The following DACH1 variants were observed in gnomAD, a reference collection of about 807,000 sequenced individuals.
DACH1 encodes the protein dachshund family transcription factor 1, also known as dachshund homolog 1.
In DACH1, 12 loss-of-function variants were observed where a neutral mutation model predicts 54.2. The observed-to-expected ratio is 0.22, with a 90% CI of 0.14 to 0.36. The LOEUF (loss-of-function observed/expected upper bound fraction) is 0.36. Ranked by LOEUF, DACH1 falls within the 10% of genes least tolerant of loss-of-function variation. The probability of loss-of-function intolerance (pLI) is 1.00; values close to 1 mark genes in which losing one functional copy is unlikely to be tolerated. For synonymous variants in DACH1, 386 were observed against 366.2 expected (o/e 1.05, Z -0.62); for missense variants, 805 against 929.8 (o/e 0.87, Z 1.75).
chr13:71,656,846 A>G (rs949638065), intron 2 of DACH1, among the ~76,000 whole-genome samples: 6 of 147,296 alleles, frequency 4.1e-5, no homozygotes, highest in South Asian at 2.1e-4. Context: ...AGATTGATAG[A>G]CAGATATAGA....
intron 3 of DACH1, among the ~76,000 whole-genome samples, chr13:71,576,995 A>T (rs1462395392): frequency 6.6e-6 from 1 of 152,124 alleles, no homozygotes; most frequent in Non-Finnish European, 1.5e-5. Context: ...TAAAGGCCTA[A>T]ATCTAAACAT....
At chr13:71,539,407 G>T (rs1488664499) in intron 6 of DACH1, among the ~76,000 whole-genome samples, 2 of 151,998 alleles carry the variant, frequency 1.3e-5, no homozygotes, top group Non-Finnish European at 2.9e-5. Flanking sequence ...TCCTTCGAAA[G>T]ACTTTCTAGA....
chr13:71,831,463 T>C (rs1888586936), intron 1 of DACH1, among the ~76,000 whole-genome samples: 1 of 151,938 alleles, frequency 6.6e-6, no homozygotes, highest in Non-Finnish European at 1.5e-5. Flanking sequence ...TATAAATGCA[T>C]GTTGTCTTTC....
At chr13:71,472,898 G>T (rs1877210545) in intron 10 of DACH1, among the ~76,000 whole-genome samples, 1 of 152,036 alleles carries the variant, frequency 6.6e-6, no homozygotes, top group South Asian at 2.1e-4. Context: ...TATTCTGTTT[G>T]TTAGCTTCCA....
At chr13:71,811,375 G>T (rs1214571760) in intron 1 of DACH1, among the ~76,000 whole-genome samples, 1 of 151,972 alleles carries the variant, frequency 6.6e-6, no homozygotes, top group Non-Finnish European at 1.5e-5. Flanking sequence ...TTTTAAAATA[G>T]ATTTTCATGA....
intron 6 of DACH1, among the ~76,000 whole-genome samples, chr13:71,510,071 A>G (rs895009464): frequency 1.3e-5 from 2 of 151,968 alleles, no homozygotes; most frequent in African/African-American, 4.8e-5. Context: ...CACATTGAAC[A>G]TTTCTTCATT....
chr13:71,527,627 CAG>C (rs1393809654), intron 6 of DACH1, among the ~76,000 whole-genome samples: 3 of 152,182 alleles, frequency 2.0e-5, no homozygotes, highest in Non-Finnish European at 4.4e-5. Context: ...GATATGAGCA[CAG>C]AGTCTTTGCC....
intron 4 of DACH1, among the ~76,000 whole-genome samples, chr13:71,564,883 T>C (rs1322184494): frequency 6.6e-6 from 1 of 152,122 alleles, no homozygotes; most frequent in Non-Finnish European, 1.5e-5. Context: ...GAACAGGATA[T>C]AGAAGTGGGA....
intron 1 of DACH1, among the ~76,000 whole-genome samples, chr13:71,707,121 G>A (rs1039896439): frequency 6.6e-5 from 10 of 152,104 alleles, no homozygotes; most frequent in Non-Finnish European, 1.3e-4. Flanking sequence ...ATTAAGACAG[G>A]TCTGTCCCCT....
chr13:71,489,263 T>C, intron 6 of DACH1, 115 bp from the exon 7 acceptor site: 1 of 1,182,210 alleles, frequency 8.5e-7, no homozygotes, highest in Non-Finnish European at 1.2e-6. Flanking sequence ...TGGTTCCTGC[T>C]ATCAGGAGAA....
rs192115490 is a variant in DACH1 at position 71,827,638 on chromosome 13, A to G, written c.848+38284T>C. 5.3e-5 allele frequency among the ~76,000 whole-genome samples: 8 copies of G among 152,208 alleles called. No individual in the cohort carries two copies. In the East Asian group the frequency reaches 1.5e-3, roughly 29 times the overall value. ...GTCATTGATAGAACGCTCCTTATTA[A>G]GTTTATAAAAACATTGGATTCACCT... On this transcript the variant is annotated intron_variant, in intron 1 of 10. Transcript: ENST00000613252.
intron 1 of DACH1, among the ~76,000 whole-genome samples, chr13:71,748,918 T>TC (rs1884783188): frequency 2.1e-5 from 1 of 47,466 alleles, no homozygotes; most frequent in African/African-American, 4.4e-5. Flanking sequence ...CTTTCTTTCT[T>TC]TCTTTCTTTC....
chr13:71,845,706 A>ATTT (rs1250969067), intron 1 of DACH1, among the ~76,000 whole-genome samples: 1 of 152,212 alleles, frequency 6.6e-6, no homozygotes, highest in Non-Finnish European at 1.5e-5. Flanking sequence ...AGAATTTGTC[A>ATTT]AGAAAGGACT....
intron 5 of DACH1, among the ~76,000 whole-genome samples, chr13:71,557,792 C>G (rs1593890864): frequency 1.0e-5 from 1 of 95,604 alleles, no homozygotes; most frequent in African/African-American, 3.9e-5. Flanking sequence ...CAAAAGGAAA[C>G]ATAAAAAAAT....
chr13:71,450,873 T>C (rs1874975184), intron 10 of DACH1, among the ~76,000 whole-genome samples: 2 of 152,110 alleles, frequency 1.3e-5, no homozygotes, highest in Non-Finnish European at 2.9e-5. Context: ...TTCTGTTCTA[T>C]GAAGGTTAAG....
At chr13:71,865,889 C>A (rs1593666866) in intron 1 of DACH1, 33 bp downstream of exon 1, 2 of 1,549,140 alleles carry the variant, frequency 1.3e-6, no homozygotes, top group South Asian at 1.2e-5. Context: ...TGGGAAGGGG[C>A]GCGGGCGGCG....
chr13:71,681,245 A>G (rs1387138051), intron 2 of DACH1, among the ~76,000 whole-genome samples: 1 of 152,178 alleles, frequency 6.6e-6, no homozygotes, highest in African/African-American at 2.4e-5. Flanking sequence ...GAGCTTATGA[A>G]GTCAAGACTA....
chr13:71,636,941 CTAT>C (rs1398194685), intron 2 of DACH1, among the ~76,000 whole-genome samples: 1 of 152,024 alleles, frequency 6.6e-6, no homozygotes, highest in Non-Finnish European at 1.5e-5. Flanking sequence ...TAAAAATGGG[CTAT>C]TGTTAAAAAT....
chr13:71,771,061 T>G (rs982413520), intron 1 of DACH1, among the ~76,000 whole-genome samples: 2 of 151,516 alleles, frequency 1.3e-5, no homozygotes, highest in South Asian at 4.1e-4. Context: ...AAGCTGCTCA[T>G]TAGGGCTACA....
Sources: gnomAD v4.1 joint callset for allele counts (sites outside exome capture counted in the v4.1 genomes callset) on GRCh38, gnomAD v4.1.1 for gene constraint, MANE v1.5 for transcripts, NCBI Gene and HGNC (gene_info 2026-07-23, HGNC 2026-07-21) for gene names.